KCND2: variants seen among roughly 807,000 people sequenced by gnomAD.
KCND2 encodes potassium voltage-gated channel subfamily D member 2, also known as A-type voltage-gated potassium channel KCND2.
Under a neutral mutation model 54.4 loss-of-function variants are expected in KCND2, and 16 were observed. The ratio of observed to expected loss-of-function variants is 0.29; its 90% confidence interval spans 0.20 to 0.45. The LOEUF (loss-of-function observed/expected upper bound fraction) is 0.45, where lower values mean the gene tolerates loss of function less well. KCND2 is among the 20% of genes least tolerant of loss of function. The probability of loss-of-function intolerance (pLI) is 1.00; values close to 1 mark genes in which losing one functional copy is unlikely to be tolerated. For synonymous variants in KCND2, 317 were observed against 310.7 expected (o/e 1.02, Z -0.21); for missense variants, 486 against 824.2 (o/e 0.59, Z 5.02).
chr7:120,569,932 T>C (rs1201900887), intron 1 of KCND2, among the ~76,000 whole-genome samples: 1 of 152,142 alleles, frequency 6.6e-6, no homozygotes, highest in Non-Finnish European at 1.5e-5. Context: ...TTGATTTTTA[T>C]TTGACAAATG....
At chr7:120,413,950 C>CT (rs11375185) in intron 1 of KCND2, among the ~76,000 whole-genome samples, 24,642 of 139,450 alleles carry the variant, frequency 0.18, 2,238 homozygotes, top group African/African-American at 0.25. Flanking sequence ...AGGCAATTTT[C>CT]TTTTTTTTTT....
chr7:120,605,118 A>C (rs1792865032), intron 1 of KCND2, among the ~76,000 whole-genome samples: 1 of 152,180 alleles, frequency 6.6e-6, no homozygotes, highest in African/African-American at 2.4e-5. Context: ...CCCATGCTAC[A>C]TTTGGCAATG....
intron 1 of KCND2, among the ~76,000 whole-genome samples, chr7:120,628,666 A>G (rs774517171): frequency 1.3e-5 from 2 of 152,202 alleles, no homozygotes; most frequent in Non-Finnish European, 2.9e-5. Flanking sequence ...CTATGTCCCT[A>G]GGGTAGAAAG....
At chr7:120,314,293 A>G (rs1290335157) in intron 1 of KCND2, among the ~76,000 whole-genome samples, 2 of 151,594 alleles carry the variant, frequency 1.3e-5, no homozygotes, top group Non-Finnish European at 2.9e-5. Context: ...AGATCGCACC[A>G]CTGCACCCCA....
chr7:120,309,944 T>G (rs2116312073), intron 1 of KCND2, among the ~76,000 whole-genome samples: 1 of 152,326 alleles, frequency 6.6e-6, no homozygotes, highest in Admixed American at 6.5e-5. Flanking sequence ...CCTTCTAGCT[T>G]TTACTCTTTG....
chr7:120,535,084 TA>T (rs1224877907), intron 1 of KCND2, among the ~76,000 whole-genome samples: 1 of 152,152 alleles, frequency 6.6e-6, no homozygotes, highest in Non-Finnish European at 1.5e-5. Flanking sequence ...TGAATCTCAA[TA>T]AAACCTTGCT....
chr7:120,374,321 C>CA (rs1377192191), intron 1 of KCND2, among the ~76,000 whole-genome samples: 3 of 151,738 alleles, frequency 2.0e-5, no homozygotes, highest in Admixed American at 6.6e-5. Flanking sequence ...TGTAACCACT[C>CA]AGTTAAAACT....
At chr7:120,685,848 GA>G in intron 1 of KCND2, among the ~76,000 whole-genome samples, 1 of 152,274 alleles carries the variant, frequency 6.6e-6, no homozygotes, top group South Asian at 2.1e-4. Context: ...GATGCCAAGA[GA>G]AGCTCTTTCT....
At chr7:120,538,183 G>A (rs182039205) in intron 1 of KCND2, among the ~76,000 whole-genome samples, 35 of 152,190 alleles carry the variant, frequency 2.3e-4, no homozygotes, top group Admixed American at 5.2e-4. Flanking sequence ...GACCAGAGAG[G>A]GCAAAGGAGA....
In KCND2 at chr7:120,546,075, T is replaced by C. The variant is rs142350614; in HGVS notation, c.1116-186828T>C. Among the ~76,000 whole-genome samples the C allele has an allele frequency of 5.1e-3, 777 of 152,042 alleles. 6 individuals are homozygous for C. The highest frequency in any genetic ancestry group is 0.018 in the African/African-American group (731 of 41,546). ...CTAAAATATAAAATAACATTCACAA[T>C]ACATGTAAATGCTTAATTATTTTCC... On this transcript the variant is annotated intron_variant, in intron 1 of 5. Transcript: ENST00000331113.
intron 1 of KCND2, among the ~76,000 whole-genome samples, chr7:120,643,189 G>T (rs1298666786): frequency 6.6e-6 from 1 of 152,044 alleles, no homozygotes; most frequent in Non-Finnish European, 1.5e-5. Flanking sequence ...GTATTTATTT[G>T]TGCCTAAGTA....
intron 1 of KCND2, among the ~76,000 whole-genome samples, chr7:120,293,215 A>C (rs968967444): frequency 3.3e-5 from 5 of 152,034 alleles, no homozygotes; most frequent in African/African-American, 1.2e-4. Flanking sequence ...TGTCTCCATT[A>C]GTCTGTTTAA....
intron 1 of KCND2, among the ~76,000 whole-genome samples, chr7:120,577,003 T>C (rs1792443225): frequency 6.6e-6 from 1 of 151,944 alleles, no homozygotes. Flanking sequence ...AAAAATTTGC[T>C]AGGTGTGGCA....
chr7:120,389,602 T>C lies in KCND2; in HGVS notation c.1115+113855T>C, dbSNP rs528923484. 1.4e-4 allele frequency among the ~76,000 whole-genome samples: 21 copies of C among 151,880 alleles called. No homozygotes were observed. In the South Asian group the frequency reaches 4.4e-3, roughly 31 times the overall value. On this transcript the variant is annotated intron_variant, in intron 1 of 5. Coordinates refer to ENST00000331113, the MANE Select transcript of KCND2 (RefSeq NM_012281.3). ...TTCTATATATTTAAGGTTTTTGGTT[T>C]GTTTGTTTGTTTGTTTTAGATTCTG...
chr7:120,610,042 A>G (rs1275197387), intron 1 of KCND2, among the ~76,000 whole-genome samples: 2 of 152,132 alleles, frequency 1.3e-5, no homozygotes, highest in Non-Finnish European at 2.9e-5. Context: ...ATACATACCT[A>G]TTTGAGTGCC....
Position 120,747,915 on chromosome 7 carries a change from C to T in KCND2, c.*57C>T. 1 of 1,309,104 alleles carries T rather than the reference C, an allele frequency of 7.6e-7. No homozygotes were observed. Among genetic ancestry groups the T allele is most frequent in the Non-Finnish European group, 1.1e-6 (1 of 915,632 alleles). 81.1% of individuals were successfully genotyped at this position (1,309,104 alleles called of 1,614,324 possible). A position where few individuals can be genotyped will look rare whatever the true frequency, so the allele number is the denominator to read the frequency against. ...GCCCTGGCTGTGAAAAGAATCTCAACATAGAAGAAAGAAGAAACAATAAAT... is the reference window on the plus strand; with the variant it reads ...GCCCTGGCTGTGAAAAGAATCTCAATATAGAAGAAAGAAGAAACAATAAAT... On this transcript the variant is annotated 3_prime_UTR_variant, in exon 6 of 6. Coordinates refer to ENST00000331113, the MANE Select transcript of KCND2 (RefSeq NM_012281.3).
chr7:120,735,447 A>G (rs746649616), intron 2 of KCND2, among the ~76,000 whole-genome samples: 1 of 152,110 alleles, frequency 6.6e-6, no homozygotes, highest in Admixed American at 6.6e-5. Flanking sequence ...CTCCTTTAGT[A>G]TAAGAGCCAA....
chr7:120,581,375 G>T (rs553532328), intron 1 of KCND2, among the ~76,000 whole-genome samples: 2 of 152,320 alleles, frequency 1.3e-5, no homozygotes, highest in East Asian at 3.9e-4. Context: ...CTTGCACCCA[G>T]TAGGTAGTAT....
intron 1 of KCND2, among the ~76,000 whole-genome samples, chr7:120,374,701 G>A (rs951168011): frequency 6.6e-6 from 1 of 151,688 alleles, no homozygotes; most frequent in African/African-American, 2.4e-5. Flanking sequence ...TTTCCTTTCA[G>A]CCTCATAGCC....
Sources: allele counts gnomAD v4.1 joint callset (sites outside exome capture counted in the v4.1 genomes callset), GRCh38; gene constraint gnomAD v4.1.1; transcripts MANE v1.5; gene names NCBI Gene and HGNC (gene_info 2026-07-23, HGNC 2026-07-21).